SASH1: variants seen among roughly 807,000 people sequenced by gnomAD.
SASH1 encodes SAM and SH3 domain containing 1, also known as SAM and SH3 domain-containing protein 1.
A neutral mutation model predicts 125.2 loss-of-function variants in SASH1; 44 were observed. The ratio of observed to expected loss-of-function variants is 0.35; its 90% CI spans 0.28 to 0.45. SASH1 has a LOEUF of 0.45. SASH1 is among the 20% of genes least tolerant of loss of function. The pLI is 1.00. For missense variants in SASH1, 1,426 were observed against 1,614.5 expected (o/e 0.88, Z 2.00); for synonymous variants, 639 against 649.1 (o/e 0.98, Z 0.24).
chr6:148,322,844 C>A (rs1780673362), intron 1 of SASH1, among the ~76,000 whole-genome samples: 1 of 151,992 alleles, frequency 6.6e-6, no homozygotes, highest in African/African-American at 2.4e-5. Flanking sequence ...GGGGTTTCAT[C>A]CGTGACCACC....
chr6:148,452,853 C>T (rs561829928), intron 4 of SASH1, among the ~76,000 whole-genome samples: 14 of 152,300 alleles, frequency 9.2e-5, no homozygotes, highest in Admixed American at 3.9e-4. Context: ...CATGACCTTT[C>T]GTTTCTTTTG....
chr6:148,291,535 T>G (rs886213664), intron 1 of SASH1, among the ~76,000 whole-genome samples: 5 of 151,866 alleles, frequency 3.3e-5, no homozygotes, highest in Non-Finnish European at 7.4e-5. Flanking sequence ...CAAAAAAGAT[T>G]AGTTGGACCT....
intron 8 of SASH1, among the ~76,000 whole-genome samples, chr6:148,500,735 C>G (rs9498051): frequency 0.02 from 3,068 of 152,118 alleles, 107 homozygotes; most frequent in African/African-American, 0.07. Flanking sequence ...GTAGCTTTCT[C>G]TCTTTGGTTG....
intron 16 of SASH1, among the ~76,000 whole-genome samples, chr6:148,539,474 T>C (rs1388155972): frequency 6.6e-6 from 1 of 152,150 alleles, no homozygotes; most frequent in Non-Finnish European, 1.5e-5. Flanking sequence ...TCTACTCCTG[T>C]GTTACTTCAC....
chr6:148,430,105 T>C (rs982003436), intron 2 of SASH1, among the ~76,000 whole-genome samples: 2 of 152,066 alleles, frequency 1.3e-5, no homozygotes, highest in Non-Finnish European at 1.5e-5. Context: ...GGAGAGCGTA[T>C]TGGGATTGGA....
chr6:148,326,220 G>T (rs1460849450), intron 1 of SASH1, among the ~76,000 whole-genome samples: 1 of 145,930 alleles, frequency 6.9e-6, no homozygotes, highest in African/African-American at 2.5e-5. Flanking sequence ...TAGAGATGGG[G>T]TTTCACCATG....
rs139892427 is a variant in SASH1, at chr6:148,544,112, C to G, written c.2642C>G (p.Pro881Arg). The change falls in exon 18 of 20, where the codon CCC becomes CGC. Residue 881 changes from proline to arginine, a missense_variant. Transcript: ENST00000367467. This position sits in a 1 kb window ranked among gnomAD's most constrained non-coding sequence, Gnocchi z 6.4. Reference sequence around the variant, plus strand: ...ACCGCCTCTTCCACGAAGGCCCAGCCCCTGGAGCAAGACTCTGCTGTCGAC... The same window carrying G: ...ACCGCCTCTTCCACGAAGGCCCAGCGCCTGGAGCAAGACTCTGCTGTCGAC... Reference protein sequence around the residue: ...KTTASSTKAQPLEQDSAVDNA... With the variant: ...KTTASSTKAQRLEQDSAVDNA... 1.9e-6 allele frequency: 3 copies of G among 1,614,050 alleles called. No homozygotes were observed. The South Asian group carries it at 3.3e-5, about 18-fold the overall frequency.
chr6:148,482,568 C>T (rs1287048533), intron 7 of SASH1, among the ~76,000 whole-genome samples: 2 of 151,584 alleles, frequency 1.3e-5, no homozygotes, highest in Non-Finnish European at 2.9e-5. Flanking sequence ...GTAGCCCATG[C>T]TAGAGTGCAG....
chr6:148,209,085 T>C, the SASH1 span, among the ~76,000 whole-genome samples: 4 of 152,328 alleles, frequency 2.6e-5, no homozygotes, highest in Admixed American at 1.3e-4. Context: ...AGGGAATCTG[T>C]CTCCACTAAT....
chr6:148,328,887 T>A (rs1780913427), intron 1 of SASH1, among the ~76,000 whole-genome samples: 1 of 152,220 alleles, frequency 6.6e-6, no homozygotes, highest in Non-Finnish European at 1.5e-5. Flanking sequence ...TTTTGGAGAA[T>A]CTTTATCTGT....
chr6:148,325,436 C>G (rs1780771763), intron 1 of SASH1, among the ~76,000 whole-genome samples: 1 of 151,976 alleles, frequency 6.6e-6, no homozygotes, highest in African/African-American at 2.4e-5. Context: ...GCCACCACGC[C>G]CAGCTAATTT....
the SASH1 span, among the ~76,000 whole-genome samples, chr6:148,241,201 C>T: frequency 3.3e-5 from 5 of 152,028 alleles, no homozygotes; most frequent in African/African-American, 4.8e-5. Flanking sequence ...TATTTATTTG[C>T]GGGTTTGAGA....
intron 1 of SASH1, among the ~76,000 whole-genome samples, chr6:148,383,051 G>A (rs920073168): frequency 6.6e-6 from 1 of 152,262 alleles, no homozygotes; most frequent in Non-Finnish European, 1.5e-5. Flanking sequence ...ATTACAGTCA[G>A]TGAATGTCTG....
intron 8 of SASH1, among the ~76,000 whole-genome samples, chr6:148,499,247 T>C (rs1779461599): frequency 6.6e-6 from 1 of 152,114 alleles, no homozygotes; most frequent in Non-Finnish European, 1.5e-5. Context: ...ATCCTTTTAT[T>C]CTCTTCTCTA....
chr6:148,253,229 G>C, the SASH1 span, among the ~76,000 whole-genome samples: 1 of 152,196 alleles, frequency 6.6e-6, no homozygotes, highest in Non-Finnish European at 1.5e-5. Context: ...CAGATATATA[G>C]ATCAGTGGAA....
chr6:148,341,694 CAA>C (rs1020592517), upstream of SASH1, among the ~76,000 whole-genome samples: 1 of 150,894 alleles, frequency 6.6e-6, no homozygotes, highest in Non-Finnish European at 1.5e-5. Context: ...AACAAACAAA[CAA>C]AAAAAACCCC....
chr6:148,444,237 C>A (rs1178552801), intron 4 of SASH1, among the ~76,000 whole-genome samples: 3 of 152,178 alleles, frequency 2.0e-5, no homozygotes, highest in African/African-American at 4.8e-5. Flanking sequence ...AGGTATCTGG[C>A]CTTAATTATG....
chr6:148,397,068 A>G (rs533581122), intron 2 of SASH1, among the ~76,000 whole-genome samples: 2 of 152,298 alleles, frequency 1.3e-5, no homozygotes, highest in South Asian at 2.1e-4. Flanking sequence ...GTGAACATCT[A>G]TAAAGATCAT....
chr6:148,290,341 T>C (rs1445839846), intron 1 of SASH1, among the ~76,000 whole-genome samples: 1 of 150,672 alleles, frequency 6.6e-6, no homozygotes, highest in Non-Finnish European at 1.5e-5. Flanking sequence ...GCGCGGTGGC[T>C]CATGCCTGTA....
Sources: allele counts gnomAD v4.1 joint callset (sites outside exome capture counted in the v4.1 genomes callset), GRCh38; gene constraint gnomAD v4.1.1; non-coding constraint Gnocchi (gnomAD v3.1); transcripts MANE v1.5; gene names NCBI Gene and HGNC (gene_info 2026-07-23, HGNC 2026-07-21).